The following CSRNP3 variants were observed in gnomAD, a reference collection of about 807,000 sequenced individuals.
CSRNP3 encodes cysteine and serine rich nuclear protein 3, also known as cysteine/serine-rich nuclear protein 3.
In CSRNP3, 12 loss-of-function variants were observed where a neutral mutation model predicts 48.0. That is an observed-to-expected ratio of 0.25 (90% confidence interval 0.16 to 0.41). The LOEUF is 0.41. Among genes scored for constraint, CSRNP3 ranks in the 10% least tolerant of loss-of-function variants. The pLI is 1.00. For synonymous variants in CSRNP3, 263 were observed against 269.7 expected, an observed-to-expected ratio of 0.98 and a Z score of 0.24; for missense variants, 580 against 724.4, an observed-to-expected ratio of 0.80 and a Z score of 2.29.
At chr2:165,624,911 A>G (rs907739878) in intron 4 of CSRNP3, among the ~76,000 whole-genome samples, 7 of 152,244 alleles carry the variant, frequency 4.6e-5, no homozygotes, top group African/African-American at 1.7e-4. Flanking sequence ...AAGCCCGCGG[A>G]AAGTGGGAAA....
At chr2:165,494,339 G>A (rs957018681) in intron 1 of CSRNP3, among the ~76,000 whole-genome samples, 2 of 152,006 alleles carry the variant, frequency 1.3e-5, no homozygotes, top group African/African-American at 4.8e-5. Flanking sequence ...AAGCAAGATA[G>A]ACATACTCTA....
chr2:165,628,010 AG>A (rs997307935), intron 4 of CSRNP3, among the ~76,000 whole-genome samples: 19 of 152,234 alleles, frequency 1.2e-4, no homozygotes, highest in Admixed American at 3.9e-4. Context: ...TGCTAAAACA[AG>A]CAAAAAATTC....
Position 165,682,657 on chromosome 2 carries a change from CATTTT to C in CSRNP3, c.*2905_*2909del, listed in dbSNP as rs1687566245. 6.6e-6 allele frequency: 1 copy of C among 152,116 alleles called. No individual in the cohort carries two copies. Among genetic ancestry groups the C allele is most frequent in the African/African-American group, 2.4e-5 (1 of 41,438 alleles). 9.4% of individuals were successfully genotyped at this position (152,116 alleles called of 1,614,324 possible). A position where few individuals can be genotyped will look rare whatever the true frequency, so the allele number is the denominator to read the frequency against. ...AAACATACTTATGATGGAATCATTT[CATTTT>C]TAGTTCCTTTCCCAGAAAAGCTGAG... On this transcript the variant is annotated 3_prime_UTR_variant, in exon 7 of 7. Transcript: ENST00000651982.
intron 5 of CSRNP3, among the ~76,000 whole-genome samples, chr2:165,660,118 C>T (rs1040469942): frequency 5.3e-5 from 8 of 152,112 alleles, no homozygotes; most frequent in African/African-American, 1.9e-4. Context: ...TTCTGAAATC[C>T]ACCCTCTGCC....
chr2:165,536,723 C>G (rs1186286027), intron 3 of CSRNP3, among the ~76,000 whole-genome samples: 13 of 151,796 alleles, frequency 8.6e-5, no homozygotes, highest in Non-Finnish European at 1.5e-5. Flanking sequence ...ATACTTCTGG[C>G]AGAATCTGCT....
At chr2:165,613,724 T>C (rs1388282638) in intron 4 of CSRNP3, among the ~76,000 whole-genome samples, 1 of 152,174 alleles carries the variant, frequency 6.6e-6, no homozygotes. Flanking sequence ...CATGGATTTC[T>C]ATTTGGGTCT....
chr2:165,573,762 C>T (rs758081818), intron 3 of CSRNP3, among the ~76,000 whole-genome samples: 8 of 152,056 alleles, frequency 5.3e-5, no homozygotes, highest in South Asian at 2.1e-4. Context: ...TATAAATTTA[C>T]GCCTGTAAGA....
chr2:165,487,863 G>A (rs1482531163), intron 1 of CSRNP3, among the ~76,000 whole-genome samples: 1 of 143,446 alleles, frequency 7.0e-6, no homozygotes, highest in African/African-American at 2.6e-5. Context: ...AAAGAACATC[G>A]AGACTAGGAA....
At chr2:165,620,612 G>A (rs1290760002) in intron 4 of CSRNP3, among the ~76,000 whole-genome samples, 1 of 152,040 alleles carries the variant, frequency 6.6e-6, no homozygotes, top group African/African-American at 2.4e-5. Context: ...AGCTTGATTT[G>A]TTAAAATCAA....
At chr2:165,563,445 A>T (rs574478112) in intron 3 of CSRNP3, among the ~76,000 whole-genome samples, 68 of 152,178 alleles carry the variant, frequency 4.5e-4, no homozygotes, top group African/African-American at 1.6e-3. Flanking sequence ...TTTTTTGTCT[A>T]TAAATCTTAT....
At chr2:165,672,264 C>T (rs1687343680) in intron 5 of CSRNP3, among the ~76,000 whole-genome samples, 1 of 152,168 alleles carries the variant, frequency 6.6e-6, no homozygotes, top group African/African-American at 2.4e-5. Context: ...TACCAGTTTA[C>T]TGTATTAGTC....
chr2:165,481,662 G>T (rs1285079380), intron 1 of CSRNP3, among the ~76,000 whole-genome samples: 1 of 152,118 alleles, frequency 6.6e-6, no homozygotes, highest in East Asian at 1.9e-4. Flanking sequence ...ACCCAGAGAA[G>T]ATTTTAGAGT....
intron 1 of CSRNP3, among the ~76,000 whole-genome samples, chr2:165,491,115 C>A: frequency 1.9e-5 from 2 of 107,114 alleles, no homozygotes; most frequent in African/African-American, 3.4e-5. Flanking sequence ...AAAAAACAAA[C>A]AACCCCATCA....
chr2:165,617,403 A>G (rs956290829), intron 4 of CSRNP3, among the ~76,000 whole-genome samples: 1 of 151,516 alleles, frequency 6.6e-6, no homozygotes, highest in Admixed American at 6.6e-5. Flanking sequence ...CCTAGTGTCC[A>G]TATGATTTCC....
At chr2:165,556,825 T>C (rs758087162) in intron 3 of CSRNP3, among the ~76,000 whole-genome samples, 1 of 152,168 alleles carries the variant, frequency 6.6e-6, no homozygotes, top group Non-Finnish European at 1.5e-5. Context: ...GAGCTTCTCT[T>C]GTTTTGGCTT....
At chr2:165,657,208 A>G (rs1466370153) in intron 4 of CSRNP3, among the ~76,000 whole-genome samples, 1 of 152,182 alleles carries the variant, frequency 6.6e-6, no homozygotes, top group Non-Finnish European at 1.5e-5. Flanking sequence ...TGGGTATCCC[A>G]GTGCTTATGT....
Position 165,613,182 on chromosome 2 carries a change from G to A in CSRNP3, c.148+17969G>A, listed in dbSNP as rs540626855. ...TTTCTTTGATGATTAGTGATGCCGA[G>A]CATTTTTTAATAATACTTGTTGGCT... is the stretch of plus-strand genomic sequence containing the variant. On this transcript the variant is annotated intron_variant, in intron 4 of 6. Transcript: ENST00000651982. Among the ~76,000 whole-genome samples the A allele has an allele frequency of 4.6e-5, 7 of 152,120 alleles. No individual in the cohort carries two copies. In the South Asian group the frequency reaches 1.2e-3, roughly 27 times the overall value.
intron 4 of CSRNP3, among the ~76,000 whole-genome samples, chr2:165,638,308 A>G (rs2105332185): frequency 6.6e-6 from 1 of 152,326 alleles, no homozygotes; most frequent in South Asian, 2.1e-4. Flanking sequence ...CTAAAAATAC[A>G]AAATAAACTG....
At chr2:165,674,232 C>T (rs1375373689) in intron 5 of CSRNP3, among the ~76,000 whole-genome samples, 2 of 152,036 alleles carry the variant, frequency 1.3e-5, no homozygotes, top group Non-Finnish European at 2.9e-5. Flanking sequence ...CTGAGGTTCA[C>T]AGAGACAAGC....
Sources: gnomAD v4.1 joint callset for allele counts (sites outside exome capture counted in the v4.1 genomes callset) on GRCh38, gnomAD v4.1.1 for gene constraint, MANE v1.5 for transcripts, NCBI Gene and HGNC (gene_info 2026-07-23, HGNC 2026-07-21) for gene names.